The following ATP12A variants were observed in gnomAD, a reference collection of about 807,000 sequenced individuals.
The protein encoded by ATP12A is potassium-transporting ATPase alpha chain 2.
A neutral mutation model predicts 111.2 loss-of-function variants in ATP12A; 81 were observed. That is an observed-to-expected ratio of 0.73 (90% CI 0.61 to 0.88). The LOEUF is 0.88. ATP12A is among the 40% of genes least tolerant of loss of function. The pLI is 0.00. For missense variants in ATP12A, 1,196 were observed against 1,313.1 expected (o/e 0.91, Z 1.38); for synonymous variants, 498 against 499.8 (o/e 1.00, Z 0.05).
intron 10 of ATP12A, 119 bp from the exon 11 acceptor site, chr13:24,694,325 G>A: frequency 7.6e-7 from 1 of 1,316,156 alleles, no homozygotes; most frequent in Non-Finnish European, 1.1e-6. Context: ...CTGATCACGT[G>A]ATAATGTCTC....
intron 7 of ATP12A, 61 bp downstream of exon 7, chr13:24,690,782 C>T: frequency 1.3e-6 from 2 of 1,523,696 alleles, no homozygotes; most frequent in Non-Finnish European, 1.8e-6. Context: ...CTCCTGGGCT[C>T]TCAGGTCTGT....
intron 17 of ATP12A, among the ~76,000 whole-genome samples, chr13:24,708,928 A>AG (rs1163407315): frequency 7.2e-6 from 1 of 139,392 alleles, no homozygotes; most frequent in East Asian, 2.1e-4. Flanking sequence ...AAAGAAAGAA[A>AG]GAAAGAAAGA....
chr13:24,691,002 A>T lies in ATP12A; in HGVS notation c.820A>T (p.Ile274Phe). 1 of 1,614,184 alleles carries T rather than the reference A, an allele frequency of 6.2e-7. No homozygotes were observed. Among genetic ancestry groups the T allele is most frequent in the Non-Finnish European group, 8.5e-7 (1 of 1,180,028 alleles). ...CLEGTVTGMV[I>F]NTGDRTIIGH... ...TGTAGGCACTGTCACCGGCATGGTT[A>T]TCAACACGGGTGACCGCACCATCAT... The change falls in exon 8 of 23, where the codon ATC (isoleucine) becomes TTC (phenylalanine). Residue 274 changes from isoleucine to phenylalanine, a missense_variant. Physicochemically the swap from Ile to Phe is conservative, Grantham distance 21. This residue lies in a region of ATP12A where 1,126 missense variants were observed against 1,228.5 expected (regional missense o/e 0.92). Coordinates refer to ENST00000381946, the MANE Select transcript of ATP12A (RefSeq NM_001676.7).
Position 24,694,520 on chromosome 13 carries a change from T to C in ATP12A, c.1454T>C (p.Ile485Thr), listed in dbSNP as rs1292814614. 1.2e-6 allele frequency: 2 copies of C among 1,613,994 alleles called. No individual in the cohort carries two copies. Among genetic ancestry groups the C allele is most frequent in the East Asian group, 4.5e-5 (2 of 44,902 alleles). Residue 485 changes from isoleucine (I) to threonine (T), a missense_variant, in exon 11 of 23, where the codon ATT becomes ACT. Physicochemically the swap from Ile to Thr is moderately conservative, Grantham distance 89 (BLOSUM62 -1). Around this residue, in one of 3 missense-constraint regions of ATP12A, gnomAD observed 1,126 missense variants for 1,228.5 expected, o/e 0.92. Transcript: ENST00000381946. ...SEVILGDVME[I>T]RKRNRKVAEI... Reference sequence around the variant, plus strand: ...GTCATTTTGGGTGATGTGATGGAAATTAGAAAAAGAAACCGCAAAGTAGCT... The same window carrying C: ...GTCATTTTGGGTGATGTGATGGAAACTAGAAAAAGAAACCGCAAAGTAGCT...
chr13:24,692,414 T>G lies in ATP12A; in HGVS notation c.1069-15T>G. 1 of 1,612,508 alleles carries G rather than the reference T, an allele frequency of 6.2e-7. No homozygotes were observed. The highest frequency in any genetic ancestry group is 1.9e-4 in the Middle Eastern group (1 of 5,282). On this transcript the variant is annotated splice_polypyrimidine_tract_variant and intron_variant, in intron 8 of 22. Transcript: ENST00000381946. Reference sequence around the variant, plus strand: ...ATGAGGATTTTTCCCAAAGCGTCCTTCCCTCTCCTGCTAGGTGACCCTGTC... The same window carrying G: ...ATGAGGATTTTTCCCAAAGCGTCCTGCCCTCTCCTGCTAGGTGACCCTGTC...
At chr13:24,683,481 T>G (rs576631180) in intron 2 of ATP12A, among the ~76,000 whole-genome samples, 2 of 152,356 alleles carry the variant, frequency 1.3e-5, no homozygotes, top group African/African-American at 4.8e-5. Context: ...ACTGACATCC[T>G]GTTAGCAGCT....
Position 24,689,260 on chromosome 13 carries a change from A to G in ATP12A, c.433-2A>G. 1 of 1,613,556 alleles carries G rather than the reference A, an allele frequency of 6.2e-7. No individual in the cohort carries two copies. Among genetic ancestry groups the G allele is most frequent in the Non-Finnish European group, 8.5e-7 (1 of 1,179,654 alleles). ...CTGACTGACGCCCTCCTTCTCACCC[A>G]GGTGTACTTGGGCTGTGTGCTTGGT... On this transcript the variant is annotated splice_acceptor_variant, in intron 4 of 22. Transcript: ENST00000381946. LOFTEE classifies it high-confidence loss of function.
At chr13:24,690,764 C>G in intron 7 of ATP12A, 43 bp downstream of exon 7, 1 of 1,559,642 alleles carries the variant, frequency 6.4e-7, no homozygotes, top group Non-Finnish European at 8.8e-7. Flanking sequence ...CACCTGTGTC[C>G]TTTCTCCCTC....
chr13:24,697,137 C>G (rs750655520), intron 11 of ATP12A, among the ~76,000 whole-genome samples: 5 of 152,174 alleles, frequency 3.3e-5, no homozygotes, highest in Admixed American at 1.3e-4. Context: ...CAGATAGCCA[C>G]CTATTGCTCA....
At chr13:24,709,211 A>G (rs1209164899) in intron 17 of ATP12A, among the ~76,000 whole-genome samples, 153 bp from the exon 18 acceptor site, 1 of 152,118 alleles carries the variant, frequency 6.6e-6, no homozygotes, top group Non-Finnish European at 1.5e-5. Context: ...TTCCATACAG[A>G]CAACACGCCC....
At chr13:24,691,515 G>A (rs1390081216) in intron 8 of ATP12A, among the ~76,000 whole-genome samples, 2 of 152,158 alleles carry the variant, frequency 1.3e-5, no homozygotes, top group African/African-American at 2.4e-5. Flanking sequence ...ATAAGATCTA[G>A]ATAAGACAGA....
intron 17 of ATP12A, among the ~76,000 whole-genome samples, chr13:24,708,929 G>GA (rs1476511021): frequency 7.2e-6 from 1 of 138,736 alleles, no homozygotes; most frequent in African/African-American, 2.9e-5. Flanking sequence ...AAGAAAGAAA[G>GA]AAAGAAAGAA....
intron 14 of ATP12A, among the ~76,000 whole-genome samples, chr13:24,705,756 A>AC (rs915434121): frequency 2.6e-5 from 4 of 151,652 alleles, no homozygotes; most frequent in African/African-American, 9.7e-5. Context: ...TGCAGCCTCA[A>AC]CCCCCCAGGC....
intron 2 of ATP12A, among the ~76,000 whole-genome samples, chr13:24,682,439 A>G (rs942560273): frequency 2.4e-4 from 32 of 133,262 alleles, no homozygotes; most frequent in African/African-American, 8.2e-4. Flanking sequence ...GATAGTATCC[A>G]CCCAGAGGTC....
Position 24,711,345 on chromosome 13 carries a change from G to C in ATP12A, c.3027G>C (p.Pro1009=). The C allele has an allele frequency of 6.2e-7, 1 of 1,606,120 alleles. No homozygotes were observed. ...LRAQYWFVAV[P]HAILIWVYDE... The stretch of plus-strand genomic sequence containing the variant: ...CTCAGTACTGGTTTGTGGCTGTGCC[G>C]CACGCCATCCTGATCTGGGTGTATG... The change falls in exon 22 of 23, where the codon CCG becomes CCC. Residue 1009 remains proline (P), a synonymous_variant. Transcript: ENST00000381946.
At position 24,707,531 on chromosome 13, in the gene ATP12A, G is replaced by C. The variant is rs1265578472; in HGVS notation, c.2493+98G>C. ...AGGGCCGGGGATGGACTAACTCAAGGCTTCTCAGCTTCCATGTGATGGGGC... is the reference window on the plus strand; with the variant it reads ...AGGGCCGGGGATGGACTAACTCAAGCCTTCTCAGCTTCCATGTGATGGGGC... On this transcript the variant is annotated intron_variant, in intron 17 of 22. Transcript: ENST00000381946. 3.4e-6 allele frequency: 5 copies of C among 1,476,750 alleles called. No individual in the cohort carries two copies. The African/African-American group carries it at 4.2e-5, about 12-fold the overall frequency. The allele number at this position is 1,476,750 out of a possible 1,614,324, so 91.5% of individuals were successfully genotyped here.
rs1165802166 is a variant in ATP12A, at chr13:24,692,611, C to T, written c.1251C>T (p.Thr417=). ...ACAATCAGATCTTTGTGGCTGACAC[C>T]AGTGAGGACCATTCAAGTAAGTCTT... ...WFDNQIFVAD[T]SEDHSNQVFD... Residue 417 remains threonine, a synonymous_variant, in exon 9 of 23, where the codon ACC becomes ACT. Coordinates refer to ENST00000381946, the MANE Select transcript of ATP12A (RefSeq NM_001676.7). 1.9e-6 allele frequency: 3 copies of T among 1,613,262 alleles called. No individual in the cohort carries two copies. Among genetic ancestry groups the T allele is most frequent in the Admixed American group, 3.3e-5 (2 of 59,982 alleles).
intron 1 of ATP12A, among the ~76,000 whole-genome samples, chr13:24,680,989 G>A (rs531177378): frequency 6.6e-6 from 1 of 152,360 alleles, no homozygotes; most frequent in African/African-American, 2.4e-5. Context: ...GTCCAGAGGA[G>A]CGAGAAGGGG....
chr13:24,686,067 A>G (rs530150856), intron 3 of ATP12A, among the ~76,000 whole-genome samples: 2 of 152,314 alleles, frequency 1.3e-5, no homozygotes, highest in Admixed American at 6.5e-5. Context: ...TTCTTTTTTT[A>G]AAGTGAGAAA....
Sources: gnomAD v4.1 joint callset for allele counts (sites outside exome capture counted in the v4.1 genomes callset) on GRCh38, gnomAD v4.1.1 for gene constraint, gnomAD v4.1.1 regional missense constraint, MANE v1.5 for transcripts, NCBI Gene and HGNC (gene_info 2026-07-23, HGNC 2026-07-21) for gene names.